The following ZCCHC7 variants were observed in gnomAD, a reference collection of about 807,000 sequenced individuals.
ZCCHC7 encodes zinc finger CCHC-type containing 7, also known as zinc finger CCHC domain-containing protein 7.
Under a neutral mutation model 52.0 loss-of-function variants are expected in ZCCHC7, and 35 were observed. The ratio of observed to expected loss-of-function variants is 0.67; its 90% confidence interval spans 0.51 to 0.89. ZCCHC7 has a LOEUF of 0.89. ZCCHC7 is among the 40% of genes least tolerant of loss of function. The pLI, the probability that ZCCHC7 is intolerant of heterozygous loss-of-function variation, is 0.00. For missense variants in ZCCHC7, 574 were observed against 649.1 expected (o/e 0.88, Z 1.26); for synonymous variants, 217 against 221.5 (o/e 0.98, Z 0.18).
chr9:37,231,855 TAGA>T (rs1412137168), intron 2 of ZCCHC7, among the ~76,000 whole-genome samples: 2 of 152,208 alleles, frequency 1.3e-5, no homozygotes, highest in African/African-American at 4.8e-5. Flanking sequence ...AATTAATTAA[TAGA>T]AGAAGGAAGT....
intron 2 of ZCCHC7, among the ~76,000 whole-genome samples, chr9:37,254,232 C>T (rs1265481194): frequency 6.6e-6 from 1 of 151,938 alleles, no homozygotes; most frequent in Non-Finnish European, 1.5e-5. Flanking sequence ...AATATTCATA[C>T]CAACTAACAT....
At chr9:37,120,518 C>T (rs1842253560), upstream of ZCCHC7, 1 of 399,116 alleles carries the variant, frequency 2.5e-6, no homozygotes, top group South Asian at 1.3e-4. Context: ...GCCTTCCCTC[C>T]CGGGTCTGCG....
At chr9:37,202,154 A>T (rs905628998) in intron 2 of ZCCHC7, among the ~76,000 whole-genome samples, 1 of 152,244 alleles carries the variant, frequency 6.6e-6, no homozygotes, top group Non-Finnish European at 1.5e-5. Flanking sequence ...CTTTGGATTC[A>T]GTTTGTATTA....
intron 2 of ZCCHC7, among the ~76,000 whole-genome samples, chr9:37,232,302 A>T (rs530634447): frequency 6.6e-6 from 1 of 152,340 alleles, no homozygotes; most frequent in South Asian, 2.1e-4. Flanking sequence ...TTGATTCTAA[A>T]TTCTATAGTC....
At chr9:37,202,386 A>G (rs1649379710) in intron 2 of ZCCHC7, among the ~76,000 whole-genome samples, 1 of 152,242 alleles carries the variant, frequency 6.6e-6, no homozygotes. Context: ...GGCAGTTAAA[A>G]CCAAAGGGAA....
At chr9:37,270,882 CTCTT>C (rs1827377815) in intron 2 of ZCCHC7, among the ~76,000 whole-genome samples, 1 of 150,884 alleles carries the variant, frequency 6.6e-6, no homozygotes, top group South Asian at 2.1e-4. Context: ...ACAGAGATGA[CTCTT>C]TCTGTATAAC....
chr9:37,158,334 T>C (rs1040414182), intron 2 of ZCCHC7, among the ~76,000 whole-genome samples: 1 of 152,104 alleles, frequency 6.6e-6, no homozygotes, highest in Non-Finnish European at 1.5e-5. Flanking sequence ...CCCAAGGAAG[T>C]TGTTTGGTTT....
intron 2 of ZCCHC7, among the ~76,000 whole-genome samples, chr9:37,202,766 G>C (rs1041408811): frequency 6.6e-6 from 1 of 152,246 alleles, no homozygotes; most frequent in Non-Finnish European, 1.5e-5. Flanking sequence ...ATAGGCGTAA[G>C]CCATCACGCC....
At chr9:37,229,617 C>G (rs1825300389) in intron 2 of ZCCHC7, among the ~76,000 whole-genome samples, 2 of 152,230 alleles carry the variant, frequency 1.3e-5, no homozygotes, top group South Asian at 4.1e-4. Context: ...GTATAGAGCA[C>G]TTACTATGAA....
chr9:37,308,593 A>G (rs1222376023), intron 5 of ZCCHC7, among the ~76,000 whole-genome samples: 1 of 152,162 alleles, frequency 6.6e-6, no homozygotes, highest in Non-Finnish European at 1.5e-5. Flanking sequence ...AGAATTAATA[A>G]TCCCAATGAA....
At chr9:37,160,840 C>T (rs896348860) in intron 2 of ZCCHC7, among the ~76,000 whole-genome samples, 1 of 152,006 alleles carries the variant, frequency 6.6e-6, no homozygotes, top group Non-Finnish European at 1.5e-5. Context: ...GAACCGAGAT[C>T]GTGCCATTGC....
chr9:37,304,162 T>A, intron 3 of ZCCHC7, 26 bp from the exon 4 acceptor site: 1 of 1,564,892 alleles, frequency 6.4e-7, no homozygotes, highest in Non-Finnish European at 8.6e-7. Context: ...ACAATTTTTT[T>A]AATTCTTGAT....
intron 2 of ZCCHC7, among the ~76,000 whole-genome samples, chr9:37,153,435 T>C (rs752484243): frequency 3.9e-5 from 6 of 152,214 alleles, no homozygotes; most frequent in South Asian, 2.1e-4. Context: ...CCTACCAAAG[T>C]GCTGGGATTA....
At chr9:37,137,828 G>C (rs1041504016) in intron 2 of ZCCHC7, among the ~76,000 whole-genome samples, 1 of 152,284 alleles carries the variant, frequency 6.6e-6, no homozygotes, top group Admixed American at 6.5e-5. Context: ...TAACTTCTCA[G>C]ATCATTAAGG....
intron 2 of ZCCHC7, among the ~76,000 whole-genome samples, chr9:37,206,286 C>CCCTT (rs1159085169): frequency 8.2e-5 from 12 of 146,856 alleles, no homozygotes; most frequent in African/African-American, 2.8e-4. Flanking sequence ...CTTTCTCCCT[C>CCCTT]CCTTCCCCCT....
chr9:37,325,372 G>T (rs975734339), intron 5 of ZCCHC7, among the ~76,000 whole-genome samples: 1 of 152,214 alleles, frequency 6.6e-6, no homozygotes, highest in Non-Finnish European at 1.5e-5. Flanking sequence ...TCTTAGATGA[G>T]TTCCACAGCT....
chr9:37,344,141 C>T (rs1257350480), intron 6 of ZCCHC7, among the ~76,000 whole-genome samples: 1 of 152,076 alleles, frequency 6.6e-6, no homozygotes, highest in African/African-American at 2.4e-5. Context: ...AGCAAGACCC[C>T]CATCTCCTAA....
At chr9:37,187,746 T>C (rs1461216802) in intron 2 of ZCCHC7, among the ~76,000 whole-genome samples, 33 of 152,200 alleles carry the variant, frequency 2.2e-4, no homozygotes, top group Non-Finnish European at 5.9e-5. Flanking sequence ...TTATGAAGTC[T>C]TTTTGCCCTG....
At chr9:37,340,839 G>C (rs2118479534) in intron 6 of ZCCHC7, among the ~76,000 whole-genome samples, 1 of 152,184 alleles carries the variant, frequency 6.6e-6, no homozygotes, top group East Asian at 1.9e-4. Flanking sequence ...TTAAGCCCTA[G>C]TACATGATAG....
Sources: allele counts gnomAD v4.1 joint callset (sites outside exome capture counted in the v4.1 genomes callset), GRCh38; gene constraint gnomAD v4.1.1; transcripts MANE v1.5; gene names NCBI Gene and HGNC (gene_info 2026-07-23, HGNC 2026-07-21).